Variants in CDH13 observed in about 807,000 individuals in gnomAD.
CDH13 encodes cadherin-13.
Under a neutral mutation model 63.8 loss-of-function variants are expected in CDH13, and 24 were observed. The ratio of observed to expected loss-of-function variants is 0.38; its 90% CI spans 0.27 to 0.53. The LOEUF is 0.53. Ranked by LOEUF, CDH13 falls within the 20% of genes least tolerant of loss-of-function variation. The probability of loss-of-function intolerance (pLI) is 0.85; values close to 1 mark genes in which losing one functional copy is unlikely to be tolerated. For synonymous variants in CDH13, 503 were observed against 355.3 expected (o/e 1.42, Z -4.67); for missense variants, 1,049 against 903.1 (o/e 1.16, Z -2.07).
chr16:83,498,536 G>A (rs984511309), intron 7 of CDH13, among the ~76,000 whole-genome samples: 2 of 152,146 alleles, frequency 1.3e-5, no homozygotes, highest in Non-Finnish European at 1.5e-5. Context: ...ATATCACCAT[G>A]TGTCAGTCCC....
chr16:83,087,675 A>G (rs1213500295), intron 3 of CDH13, among the ~76,000 whole-genome samples: 1 of 134,178 alleles, frequency 7.5e-6, no homozygotes, highest in Admixed American at 7.2e-5. Context: ...CCGTCTCAAA[A>G]AAAAAAAAAA....
In CDH13 at chr16:82,697,298, T is replaced by A. The variant is rs115711299; in HGVS notation, c.45+70161T>A. On this transcript the variant is annotated intron_variant, in intron 1 of 13. Transcript: ENST00000567109. ...TGGGTAAAGTTAATAGCACAGTTGA[T>A]CCATATTCCCAGGTACTGGTGATTT... is the stretch of plus-strand genomic sequence containing the variant. Among the ~76,000 whole-genome samples the A allele has an allele frequency of 5.3e-3, 814 of 152,154 alleles. 8 individuals carry two copies. The highest frequency in any genetic ancestry group is 0.019 in the African/African-American group (774 of 41,512).
chr16:83,257,922 C>G (rs1421819228), intron 5 of CDH13, among the ~76,000 whole-genome samples: 6 of 152,130 alleles, frequency 3.9e-5, no homozygotes, highest in Non-Finnish European at 7.4e-5. Context: ...AATACCTCAC[C>G]AGCATCTGTT....
At chr16:82,742,140 T>G (rs1405336962) in intron 1 of CDH13, among the ~76,000 whole-genome samples, 2 of 152,158 alleles carry the variant, frequency 1.3e-5, no homozygotes, top group African/African-American at 4.8e-5. Flanking sequence ...AGGTTTACCA[T>G]GTATGTTCCA....
At chr16:83,017,781 T>C (rs574539242) in intron 2 of CDH13, among the ~76,000 whole-genome samples, 31 of 152,332 alleles carry the variant, frequency 2.0e-4, no homozygotes, top group African/African-American at 7.5e-4. Flanking sequence ...GGTGTGTTCA[T>C]ATGAACCAAC....
At chr16:83,178,883 C>G (rs542107486) in intron 4 of CDH13, among the ~76,000 whole-genome samples, 2 of 152,322 alleles carry the variant, frequency 1.3e-5, no homozygotes, top group African/African-American at 4.8e-5. Flanking sequence ...TCACTCTCCC[C>G]TAACTTATTA....
At position 82,792,912 on chromosome 16, in the gene CDH13, C is replaced by T. The variant is rs145598061; in HGVS notation, c.46-65450C>T. Among the ~76,000 whole-genome samples, 595 of 141,122 alleles carry T rather than the reference C, an allele frequency of 4.2e-3. 3 individuals carry two copies. The highest frequency in any genetic ancestry group is 0.024 in the South Asian group (93 of 3,914). The allele number at this position is 141,122 out of a possible 152,430, so 92.6% of individuals were successfully genotyped here. A position where few individuals can be genotyped will look rare whatever the true frequency, so the allele number is the denominator to read the frequency against. On this transcript the variant is annotated intron_variant, in intron 1 of 13. Coordinates refer to ENST00000567109, the MANE Select transcript of CDH13 (RefSeq NM_001257.5). Reference sequence around the variant, plus strand: ...GAAATGCCTGGCACTCTCCCAAAGGCACCCATGGGCTTGGAGGGACGACAG... The same window carrying T: ...GAAATGCCTGGCACTCTCCCAAAGGTACCCATGGGCTTGGAGGGACGACAG...
intron 2 of CDH13, among the ~76,000 whole-genome samples, chr16:83,001,272 T>C (rs563825019): frequency 2.0e-5 from 3 of 152,374 alleles, no homozygotes; most frequent in South Asian, 2.1e-4. Context: ...GTTCTTGCAA[T>C]TGAGAATGCA....
intron 6 of CDH13, among the ~76,000 whole-genome samples, chr16:83,369,251 G>A (rs1054762958): frequency 6.6e-6 from 1 of 151,720 alleles, no homozygotes; most frequent in African/African-American, 2.4e-5. Context: ...TACACTGTTG[G>A]TGGGAAAATT....
chr16:82,888,144 C>A (rs74032716), intron 2 of CDH13, among the ~76,000 whole-genome samples: 184 of 152,144 alleles, frequency 1.2e-3, no homozygotes, highest in African/African-American at 4.4e-3. Context: ...ACCGAACAAC[C>A]TTTTGGGAAG....
At chr16:83,075,781 C>T (rs539096305) in intron 3 of CDH13, among the ~76,000 whole-genome samples, 5 of 152,306 alleles carry the variant, frequency 3.3e-5, no homozygotes, top group Non-Finnish European at 5.9e-5. Flanking sequence ...TTTCCCTGTG[C>T]TTCTGGTGAA....
intron 12 of CDH13, among the ~76,000 whole-genome samples, chr16:83,781,435 A>G (rs965312409): frequency 6.6e-6 from 1 of 152,226 alleles, no homozygotes; most frequent in Non-Finnish European, 1.5e-5. Flanking sequence ...TTTGAGGGAG[A>G]CAGAGAATTA....
chr16:83,426,066 G>A (rs4274422), intron 6 of CDH13, among the ~76,000 whole-genome samples: 141,527 of 152,264 alleles, frequency 0.93, 65,823 homozygotes, highest in East Asian at 1. Flanking sequence ...TAACTCCAAT[G>A]TTTCAAAGCT....
intron 2 of CDH13, among the ~76,000 whole-genome samples, chr16:83,031,364 AC>A (rs1916317190): frequency 1.8e-5 from 2 of 113,530 alleles, no homozygotes; most frequent in Non-Finnish European, 3.6e-5. Context: ...ATATACATGT[AC>A]ATGTATATGT....
At chr16:83,762,086 G>A (rs951486813) in intron 11 of CDH13, among the ~76,000 whole-genome samples, 1 of 152,028 alleles carries the variant, frequency 6.6e-6, no homozygotes, top group Non-Finnish European at 1.5e-5. Context: ...AATAAAATAA[G>A]TAATTTTAAT....
chr16:83,233,747 A>G (rs763465645), intron 5 of CDH13, among the ~76,000 whole-genome samples: 51 of 152,110 alleles, frequency 3.4e-4, no homozygotes, highest in Non-Finnish European at 6.6e-4. Flanking sequence ...GGGCCCATCT[A>G]CATAATCCAG....
At chr16:82,718,821 C>T (rs1457340581) in intron 1 of CDH13, among the ~76,000 whole-genome samples, 2 of 152,106 alleles carry the variant, frequency 1.3e-5, no homozygotes, top group African/African-American at 4.8e-5. Flanking sequence ...CCTCCCAAAA[C>T]ACGTGGGAAT....
Position 83,740,410 on chromosome 16 carries a change from G to A in CDH13, c.1539-7698G>A, listed in dbSNP as rs3784973. ...TCTACACAAAAGACGATCCCTAGTC[G>A]TCTTACCACCTGCCTCCTACAATAA... On this transcript the variant is annotated intron_variant, in intron 10 of 13. Transcript: ENST00000567109. Among the ~76,000 whole-genome samples the A allele has an allele frequency of 9.2e-3, 1,406 of 152,086 alleles. 65 individuals are homozygous for A. Among genetic ancestry groups the A allele is most frequent in the Admixed American group, 0.068 (1,033 of 15,276 alleles).
chr16:83,778,865 A>C (rs1279582705), intron 11 of CDH13, among the ~76,000 whole-genome samples: 2 of 151,862 alleles, frequency 1.3e-5, no homozygotes, highest in African/African-American at 4.8e-5. Flanking sequence ...TCTTTAGTCA[A>C]CTCCTCAGTT....
Sources: allele counts gnomAD v4.1 joint callset (sites outside exome capture counted in the v4.1 genomes callset), GRCh38; gene constraint gnomAD v4.1.1; transcripts MANE v1.5; gene names NCBI Gene and HGNC (gene_info 2026-07-23, HGNC 2026-07-21).